Variants in PPFIA3 observed in about 807,000 individuals in gnomAD.
PPFIA3 encodes liprin-alpha-3.
In PPFIA3, 26 loss-of-function variants were observed where a neutral mutation model predicts 145.8. That is an observed-to-expected ratio of 0.18 (90% CI 0.13 to 0.25). PPFIA3 has a LOEUF of 0.25. PPFIA3 is among the 10% of genes least tolerant of loss of function. The pLI is 1.00. For missense variants in PPFIA3, 1,008 were observed against 1,587.8 expected (o/e 0.63, Z 6.21); for synonymous variants, 645 against 661.4 (o/e 0.98, Z 0.38).
chr19:49,127,383 TAA>T (rs34030131), intron 1 of PPFIA3, among the ~76,000 whole-genome samples: 1 of 28,614 alleles, frequency 3.5e-5, no homozygotes, highest in African/African-American at 1.4e-4. Context: ...TCACTCCAGC[TAA>T]AAAAAAAAAA....
intron 15 of PPFIA3, among the ~76,000 whole-genome samples, chr19:49,137,657 A>AAAAAAAAAAAAAAAAAAAAAAAAAAC (rs2041157046): frequency 8.1e-6 from 1 of 123,066 alleles, no homozygotes; most frequent in East Asian, 2.1e-4. Flanking sequence ...AAAAAAAAAA[A>AAAAAAAAAAAAAAAAAAAAAAAAAAC]AGTCCCCAAC....
intron 17 of PPFIA3, 59 bp downstream of exon 17, chr19:49,139,890 G>T: frequency 6.2e-7 from 1 of 1,612,208 alleles, no homozygotes; most frequent in Non-Finnish European, 8.5e-7. Context: ...TGAGAAGGGG[G>T]TGGACAAGGA....
Position 49,133,252 on chromosome 19 carries a change from C to T in PPFIA3, c.1042C>T (p.Arg348Cys), listed in dbSNP as rs1345439038. Residue 348 changes from arginine to cysteine, a missense_variant, in exon 9 of 30, where the codon CGT (arginine) becomes TGT (cysteine). Arg to Cys is a radical substitution (Grantham distance 180). This residue lies in a region of PPFIA3 where 109 missense variants were observed against 198.1 expected (regional missense o/e 0.55). Transcript: ENST00000334186. This position sits in a 1 kb window ranked among gnomAD's most constrained non-coding sequence, Gnocchi z 7.2. ...SLYRQSEEKS[R>C]QLAEWLDDAK... ...CCTCCCCCAGAGTGAAGAGAAGAGC[C>T]GTCAGCTGGCCGAGTGGTTGGACGA... The T allele has an allele frequency of 1.2e-6, 2 of 1,607,728 alleles. No individual in the cohort carries two copies. The highest frequency in any genetic ancestry group is 8.5e-7 in the Non-Finnish European group (1 of 1,177,172).
At chr19:49,142,480 C>G (rs917335684) in intron 20 of PPFIA3, among the ~76,000 whole-genome samples, 2 of 151,988 alleles carry the variant, frequency 1.3e-5, no homozygotes, top group Admixed American at 6.6e-5. Flanking sequence ...GCCGATGTCT[C>G]CCTGTCTCCG....
In PPFIA3 at chr19:49,127,916, C is replaced by T; in HGVS notation, c.43C>T (p.Arg15Trp). 3 of 1,592,182 alleles carry T rather than the reference C, an allele frequency of 1.9e-6. No individual in the cohort carries two copies. The highest frequency in any genetic ancestry group is 2.5e-6 in the Non-Finnish European group (3 of 1,177,178). Residue 15 changes from arginine to tryptophan, a missense_variant, in exon 2 of 30, where the codon CGG (arginine) becomes TGG (tryptophan). Physicochemically the swap from Arg to Trp is moderately radical, Grantham distance 101. Transcript: ENST00000334186. ...VMPTISEDGRRGSALGPDEAG... is the reference protein window; with the variant it reads ...VMPTISEDGRWGSALGPDEAG... ...GCCCACCATCAGCGAGGATGGCCGG[C>T]GGGGCTCGGCGCTGGGCCCGGACGA... is the stretch of plus-strand genomic sequence containing the variant.
intron 15 of PPFIA3, among the ~76,000 whole-genome samples, chr19:49,137,772 T>TGACCATGCCC (rs2041159199): frequency 6.6e-6 from 1 of 151,042 alleles, no homozygotes; most frequent in Non-Finnish European, 1.5e-5. Flanking sequence ...TCGGCAAATA[T>TGACCATGCCC]ACCATGACCA....
At chr19:49,140,241 T>G (rs537910700) in intron 18 of PPFIA3, among the ~76,000 whole-genome samples, 153 bp downstream of exon 18, 23 of 152,252 alleles carry the variant, frequency 1.5e-4, no homozygotes, top group Middle Eastern at 3.4e-3. Flanking sequence ...CTTGCCAAGG[T>G]AGGCGGGAGG....
rs763626555 is a variant in PPFIA3, at chr19:49,133,218, C to T, written c.1027-19C>T. ...AAGTGACCCAGCCCGTCCCCTCCCCCTGCCTCTCCCTCCCCCAGAGTGAAG... is the reference window on the plus strand; with the variant it reads ...AAGTGACCCAGCCCGTCCCCTCCCCTTGCCTCTCCCTCCCCCAGAGTGAAG... On this transcript the variant is annotated intron_variant, in intron 8 of 29. Coordinates refer to ENST00000334186, the MANE Select transcript of PPFIA3 (RefSeq NM_003660.4). The surrounding 1 kb of genome is among the most constrained non-coding windows in gnomAD (Gnocchi z 7.2). 3.1e-6 allele frequency: 5 copies of T among 1,593,726 alleles called. No homozygotes were observed. Among genetic ancestry groups the T allele is most frequent in the African/African-American group, 2.7e-5 (2 of 74,240 alleles).
chr19:49,131,162 C>T (rs1195749504), intron 7 of PPFIA3, among the ~76,000 whole-genome samples: 1 of 139,272 alleles, frequency 7.2e-6, no homozygotes, highest in Admixed American at 7.6e-5. Flanking sequence ...CCGCACCCAG[C>T]CTCTTTTTTT....
intron 4 of PPFIA3, 48 bp from the exon 5 acceptor site, chr19:49,129,331 TA>T: frequency 6.5e-7 from 1 of 1,540,704 alleles, no homozygotes; most frequent in Non-Finnish European, 8.8e-7. Context: ...GCAACTGTCC[TA>T]AACTGGATCT....
rs2041334163 is a variant in PPFIA3 at position 49,150,381 on chromosome 19, GCCTCGCA to G, written c.*161_*167del. 1 of 460,794 alleles carries G rather than the reference GCCTCGCA, an allele frequency of 2.2e-6. No individual in the cohort carries two copies. Among genetic ancestry groups the G allele is most frequent in the Non-Finnish European group, 3.9e-6 (1 of 256,656 alleles). The allele number at this position is 460,794 out of a possible 1,614,324, so 28.5% of individuals were successfully genotyped here. A position where few individuals can be genotyped will look rare whatever the true frequency, so the allele number is the denominator to read the frequency against. ...CAGACCAGCGGGAGTGCGCGCGCCCGCCTCGCACAGGGCCGGGGCCTGGACCAAACCA... is the reference window on the plus strand; with the variant it reads ...CAGACCAGCGGGAGTGCGCGCGCCCGCAGGGCCGGGGCCTGGACCAAACCA... On this transcript the variant is annotated 3_prime_UTR_variant, in exon 30 of 30. Coordinates refer to ENST00000334186, the MANE Select transcript of PPFIA3 (RefSeq NM_003660.4).
intron 24 of PPFIA3, 134 bp from the exon 25 acceptor site, chr19:49,148,532 G>A: frequency 1.3e-6 from 1 of 797,006 alleles, no homozygotes; most frequent in South Asian, 1.7e-5. Flanking sequence ...CTCCTGAGGG[G>A]GTCAACAGTC....
At chr19:49,134,203 C>G (rs767875425) in intron 11 of PPFIA3, 38 bp downstream of exon 11, 4 of 1,560,958 alleles carry the variant, frequency 2.6e-6, no homozygotes, top group African/African-American at 2.8e-5. Flanking sequence ...CGCGGAATTC[C>G]GGGACTACCT....
chr19:49,142,563 C>T (rs1198644154), intron 20 of PPFIA3, among the ~76,000 whole-genome samples: 1 of 148,154 alleles, frequency 6.7e-6, no homozygotes, highest in Admixed American at 6.8e-5. Context: ...CTCTCTCCCT[C>T]TCCCTCTTCC....
Position 49,149,249 on chromosome 19 carries a change from C to T in PPFIA3, c.3286-8C>T, listed in dbSNP as rs939874721. The T allele has an allele frequency of 6.2e-7, 1 of 1,614,248 alleles. No individual in the cohort carries two copies. Among genetic ancestry groups the T allele is most frequent in the East Asian group, 2.2e-5 (1 of 44,886 alleles). On this transcript the variant is annotated splice_polypyrimidine_tract_variant and splice_region_variant and intron_variant, in intron 26 of 29. Coordinates refer to ENST00000334186, the MANE Select transcript of PPFIA3 (RefSeq NM_003660.4). The surrounding 1 kb of genome is among the most constrained non-coding windows in gnomAD (Gnocchi z 5.7). Reference sequence around the variant, plus strand: ...GCTCCAACCGCCCCCTCCACCTCCTCTTTCCAGGCCCGGCAGCTTCTGGAG... The same window carrying T: ...GCTCCAACCGCCCCCTCCACCTCCTTTTTCCAGGCCCGGCAGCTTCTGGAG...
intron 13 of PPFIA3, among the ~76,000 whole-genome samples, chr19:49,135,464 C>T (rs1032236347): frequency 1.3e-5 from 2 of 152,170 alleles, no homozygotes; most frequent in African/African-American, 2.4e-5. Flanking sequence ...CCTCCGCCTC[C>T]CCGGTTCAAG....
Position 49,148,807 on chromosome 19 carries a change from G to T in PPFIA3, c.3109+44G>T, listed in dbSNP as rs143519846. 251 of 1,576,746 alleles carry T rather than the reference G, an allele frequency of 1.6e-4. No individual in the cohort carries two copies. In the African/African-American group the frequency reaches 2.2e-3, roughly 14 times the overall value. ...TCCCTTTGGGAGCCAGGTGGAGGGC[G>T]TGGAGCTGGATGGGGAGGAGAGGGG... On this transcript the variant is annotated intron_variant, in intron 25 of 29. Coordinates refer to ENST00000334186, the MANE Select transcript of PPFIA3 (RefSeq NM_003660.4).
At chr19:49,127,383 T>TA (rs34030131) in intron 1 of PPFIA3, among the ~76,000 whole-genome samples, 9,879 of 28,512 alleles carry the variant, frequency 0.35, 2,100 homozygotes, top group African/African-American at 0.55. Flanking sequence ...TCACTCCAGC[T>TA]AAAAAAAAAA....
chr19:49,133,798 C>G lies in PPFIA3; in HGVS notation c.1164C>G (p.Ala388=), dbSNP rs907960189. The change falls in exon 10 of 30, where the codon GCC becomes GCG. Residue 388 remains alanine, a splice_region_variant and synonymous_variant. Transcript: ENST00000334186. This position sits in a 1 kb window ranked among gnomAD's most constrained non-coding sequence, Gnocchi z 7.2. ...ACGCCATGGGTTCCATCTCCTAGGC[C>G]GAGGAACGTCATGGGAATTTTGAGG... ...LAQRVAALNK[A]EERHGNFEER... The G allele has an allele frequency of 9.3e-6, 15 of 1,613,048 alleles. No homozygotes were observed. In the African/African-American group the frequency reaches 9.4e-5, roughly 10 times the overall value.
Sources: allele counts gnomAD v4.1 joint callset (sites outside exome capture counted in the v4.1 genomes callset), GRCh38; gene constraint gnomAD v4.1.1; regional missense constraint gnomAD v4.1.1; non-coding constraint Gnocchi (gnomAD v3.1); transcripts MANE v1.5; gene names NCBI Gene and HGNC (gene_info 2026-07-23, HGNC 2026-07-21).